The following INPP4B variants were observed in gnomAD, a reference collection of about 807,000 sequenced individuals.
INPP4B encodes the protein inositol polyphosphate-4-phosphatase type II B.
In INPP4B, 55 loss-of-function variants were observed where a neutral mutation model predicts 122.5. That is an observed-to-expected ratio of 0.45 (90% confidence interval 0.36 to 0.56). INPP4B has a LOEUF of 0.56. Ranked by LOEUF, INPP4B falls within the 20% of genes least tolerant of loss-of-function variation. The probability of loss-of-function intolerance (pLI) is 0.00; values close to 1 mark genes in which losing one functional copy is unlikely to be tolerated. For missense variants in INPP4B, 1,000 were observed against 1,097.7 expected, an observed-to-expected ratio of 0.91 and a Z score of 1.26; for synonymous variants, 403 against 388.7, an observed-to-expected ratio of 1.04 and a Z score of -0.43.
chr4:142,737,998 C>T (rs1407280500), intron 1 of INPP4B, among the ~76,000 whole-genome samples: 6 of 152,120 alleles, frequency 3.9e-5, no homozygotes, highest in Non-Finnish European at 7.4e-5. Context: ...GGAACACTTT[C>T]ACACTGTTGG....
intron 2 of INPP4B, among the ~76,000 whole-genome samples, chr4:142,627,464 G>C (rs530105438): frequency 1.6e-3 from 224 of 139,400 alleles, no homozygotes; most frequent in African/African-American, 5.1e-3. Context: ...TAGCATGAAG[G>C]GTTGTTGAAT....
At chr4:142,505,348 T>A (rs1823886989) in intron 2 of INPP4B, among the ~76,000 whole-genome samples, 1 of 152,156 alleles carries the variant, frequency 6.6e-6, no homozygotes, top group Non-Finnish European at 1.5e-5. Flanking sequence ...GACTGTTGTT[T>A]TAAAAGCTTT....
At chr4:142,719,005 A>G (rs1460692699) in intron 2 of INPP4B, among the ~76,000 whole-genome samples, 1 of 152,180 alleles carries the variant, frequency 6.6e-6, no homozygotes, top group Non-Finnish European at 1.5e-5. Context: ...TTACATTAAT[A>G]TTTTCCTTGG....
At chr4:142,158,521 C>T (rs1476216651) in intron 17 of INPP4B, among the ~76,000 whole-genome samples, 1 of 152,142 alleles carries the variant, frequency 6.6e-6, no homozygotes, top group African/African-American at 2.4e-5. Flanking sequence ...TTTCTTCCGT[C>T]TTTGCCCATC....
chr4:142,599,642 C>A (rs1322121566), intron 2 of INPP4B, among the ~76,000 whole-genome samples: 2 of 151,818 alleles, frequency 1.3e-5, no homozygotes, highest in Non-Finnish European at 2.9e-5. Flanking sequence ...AATAATAACA[C>A]CTCCAAAGGA....
At chr4:142,795,025 A>G (rs554888098) in intron 1 of INPP4B, 8 of 152,088 alleles carry the variant, frequency 5.3e-5, no homozygotes, top group African/African-American at 1.9e-4. Context: ...ATGGACAAAT[A>G]TAATTCAGGA....
chr4:142,516,099 A>G (rs1384162361), intron 2 of INPP4B, among the ~76,000 whole-genome samples: 1 of 152,188 alleles, frequency 6.6e-6, no homozygotes, highest in Non-Finnish European at 1.5e-5. Flanking sequence ...CAGAAAAGAA[A>G]TTCACCAGAT....
intron 1 of INPP4B, among the ~76,000 whole-genome samples, chr4:142,803,643 A>G (rs1191479350): frequency 6.0e-5 from 8 of 133,526 alleles, no homozygotes; most frequent in African/African-American, 2.3e-4. Flanking sequence ...GGAATTCAAT[A>G]AAACTTAAAA....
At chr4:142,835,724 C>G (rs920503607) in intron 1 of INPP4B, among the ~76,000 whole-genome samples, 1 of 152,132 alleles carries the variant, frequency 6.6e-6, no homozygotes, top group Non-Finnish European at 1.5e-5. Flanking sequence ...TGTTATGACA[C>G]CTGAGTGAGC....
chr4:142,239,369 A>G (rs567297395), intron 11 of INPP4B, among the ~76,000 whole-genome samples: 98 of 152,278 alleles, frequency 6.4e-4, no homozygotes, highest in African/African-American at 2.2e-3. Flanking sequence ...AAGAAAGTAC[A>G]CTATTTCTAG....
At chr4:142,256,691 T>G (rs1465732452) in intron 11 of INPP4B, among the ~76,000 whole-genome samples, 2 of 152,080 alleles carry the variant, frequency 1.3e-5, no homozygotes, top group Non-Finnish European at 2.9e-5. Context: ...AATAACAGGC[T>G]CTGAAATTGT....
intron 2 of INPP4B, among the ~76,000 whole-genome samples, chr4:142,541,921 C>T (rs13102643): frequency 0.06 from 9,145 of 152,244 alleles, 331 homozygotes; most frequent in Middle Eastern, 0.13. Context: ...GCCACCACTA[C>T]CCACCACCCA....
chr4:142,628,925 C>T (rs1178204185), intron 2 of INPP4B, among the ~76,000 whole-genome samples: 2 of 152,072 alleles, frequency 1.3e-5, no homozygotes, highest in African/African-American at 4.8e-5. Flanking sequence ...TAATCCAGTA[C>T]TGTGCAGTCA....
intron 2 of INPP4B, among the ~76,000 whole-genome samples, chr4:142,715,682 C>T (rs1233464367): frequency 1.3e-5 from 2 of 152,190 alleles, no homozygotes; most frequent in Non-Finnish European, 2.9e-5. Flanking sequence ...TGGGAAGGAG[C>T]TCTGGGAGAA....
chr4:142,415,371 A>G (rs962540410), intron 5 of INPP4B, among the ~76,000 whole-genome samples: 3 of 152,188 alleles, frequency 2.0e-5, no homozygotes, highest in Non-Finnish European at 4.4e-5. Flanking sequence ...TGAATGCACA[A>G]AATGGTGTCA....
chr4:142,179,786 G>A (rs1157499316), intron 15 of INPP4B, among the ~76,000 whole-genome samples: 1 of 152,084 alleles, frequency 6.6e-6, no homozygotes, highest in African/African-American at 2.4e-5. Flanking sequence ...AATAAGCAAA[G>A]TCCAGTGTGC....
chr4:142,459,289 GAAA>G (rs201442354), intron 3 of INPP4B, among the ~76,000 whole-genome samples: 29 of 97,112 alleles, frequency 3.0e-4, no homozygotes, highest in African/African-American at 7.5e-4. Flanking sequence ...ACAAACAAAT[GAAA>G]AAAAAAAAAA....
chr4:142,658,831 C>T (rs1411222741), intron 2 of INPP4B, among the ~76,000 whole-genome samples: 1 of 152,112 alleles, frequency 6.6e-6, no homozygotes, highest in Non-Finnish European at 1.5e-5. Flanking sequence ...TAAAGAATGT[C>T]ACGTTCTAAC....
intron 1 of INPP4B, among the ~76,000 whole-genome samples, chr4:142,742,719 A>ATC (rs1284537273): frequency 6.6e-6 from 1 of 152,048 alleles, no homozygotes; most frequent in Admixed American, 6.6e-5. Context: ...AAAGAAAAGA[A>ATC]TCTCAGATAA....
Sources: allele counts gnomAD v4.1 joint callset (sites outside exome capture counted in the v4.1 genomes callset), GRCh38; gene constraint gnomAD v4.1.1; transcripts MANE v1.5; gene names NCBI Gene and HGNC (gene_info 2026-07-23, HGNC 2026-07-21).